The following VTI1A variants were observed in gnomAD, a reference collection of about 807,000 sequenced individuals.
VTI1A encodes the protein vesicle transport through interaction with t-SNAREs homolog 1A.
Under a neutral mutation model 34.9 loss-of-function variants are expected in VTI1A, and 22 were observed. The observed-to-expected ratio is 0.63, with a 90% confidence interval of 0.45 to 0.90. VTI1A has a LOEUF of 0.90. VTI1A is among the 40% of genes least tolerant of loss of function. The pLI, the probability that VTI1A is intolerant of heterozygous loss-of-function variation, is 0.00. For synonymous variants in VTI1A, 87 were observed against 97.3 expected (o/e 0.89, Z 0.62); for missense variants, 268 against 275.6 (o/e 0.97, Z 0.20).
At chr10:112,472,974 T>TA (rs1308927034) in intron 3 of VTI1A, among the ~76,000 whole-genome samples, 4 of 98,338 alleles carry the variant, frequency 4.1e-5, no homozygotes, top group Admixed American at 1.9e-4. Context: ...TGAAGAAGAG[T>TA]AAAAAAGAAA....
chr10:112,771,384 A>G (rs950974352), intron 7 of VTI1A, among the ~76,000 whole-genome samples: 2 of 152,224 alleles, frequency 1.3e-5, no homozygotes, highest in Non-Finnish European at 2.9e-5. Flanking sequence ...AAGCACTTCT[A>G]AAGTGAGCAG....
At chr10:112,589,018 C>CTTT (rs3057340) in intron 5 of VTI1A, among the ~76,000 whole-genome samples, 9 of 129,240 alleles carry the variant, frequency 7.0e-5, no homozygotes, top group East Asian at 2.3e-4. Flanking sequence ...GACTCCTTGT[C>CTTT]TTTTTTTTTT....
chr10:112,772,020 G>A (rs1210152729), intron 7 of VTI1A, among the ~76,000 whole-genome samples: 1 of 152,130 alleles, frequency 6.6e-6, no homozygotes, highest in African/African-American at 2.4e-5. Flanking sequence ...GTGAACATTC[G>A]TGTACAAGTT....
chr10:112,557,559 G>T (rs749111566), intron 5 of VTI1A, among the ~76,000 whole-genome samples: 7 of 152,110 alleles, frequency 4.6e-5, no homozygotes, highest in Non-Finnish European at 7.4e-5. Context: ...TTTTATGCAG[G>T]TGATTATAAT....
intron 7 of VTI1A, among the ~76,000 whole-genome samples, chr10:112,787,836 G>A (rs1393421546): frequency 1.3e-5 from 2 of 150,124 alleles, no homozygotes; most frequent in Non-Finnish European, 3.0e-5. Flanking sequence ...CAAGTAGCTG[G>A]GATTACAGTC....
intron 1 of VTI1A, among the ~76,000 whole-genome samples, chr10:112,457,491 C>T (rs1338615009): frequency 1.3e-5 from 2 of 152,040 alleles, no homozygotes; most frequent in African/African-American, 4.8e-5. Context: ...ATTTTATGTA[C>T]AAGGGGGTGA....
chr10:112,521,657 T>C (rs1014812042), intron 3 of VTI1A, among the ~76,000 whole-genome samples: 3 of 152,200 alleles, frequency 2.0e-5, no homozygotes, highest in Non-Finnish European at 4.4e-5. Context: ...GTTCTTTTCA[T>C]TTAGTACCCT....
chr10:112,532,695 A>G (rs1291413302), intron 4 of VTI1A, among the ~76,000 whole-genome samples: 1 of 152,178 alleles, frequency 6.6e-6, no homozygotes, highest in Non-Finnish European at 1.5e-5. Context: ...AGAAGTAAGG[A>G]GTGATTTTTT....
chr10:112,724,806 AAAAC>A (rs2133946634), intron 7 of VTI1A, among the ~76,000 whole-genome samples: 1 of 152,018 alleles, frequency 6.6e-6, no homozygotes, highest in South Asian at 2.1e-4. Flanking sequence ...AAAAGAAAAA[AAAAC>A]AAAAACCTTT....
At chr10:112,578,710 G>A (rs532624175) in intron 5 of VTI1A, among the ~76,000 whole-genome samples, 3 of 152,186 alleles carry the variant, frequency 2.0e-5, no homozygotes, top group East Asian at 1.9e-4. Context: ...TTTTGAAAGC[G>A]TAGCCCCATT....
Position 112,815,369 on chromosome 10 carries a change from G to T in VTI1A, c.640G>T (p.Val214Phe). ...ITILMAITFS[V>F]RRH ...CATCCTGATGGCGATCACTTTTTCT[G>T]TCAGAAGACACTGATGTATCTGCTC... The change falls in exon 8 of 8, where the codon GTC becomes TTC. Residue 214 changes from valine to phenylalanine, a missense_variant. Transcript: ENST00000393077. 1 of 1,613,814 alleles carries T rather than the reference G, an allele frequency of 6.2e-7. No individual in the cohort carries two copies. The highest frequency in any genetic ancestry group is 1.1e-5 in the South Asian group (1 of 91,060).
At chr10:112,657,636 G>C (rs1847280322) in intron 5 of VTI1A, among the ~76,000 whole-genome samples, 1 of 151,998 alleles carries the variant, frequency 6.6e-6, no homozygotes, top group Admixed American at 6.6e-5. Context: ...CCAAGTCTAA[G>C]AACTAAAACT....
At chr10:112,741,379 C>T (rs1372497150) in intron 7 of VTI1A, among the ~76,000 whole-genome samples, 7 of 152,246 alleles carry the variant, frequency 4.6e-5, no homozygotes, top group African/African-American at 1.7e-4. Context: ...CACTTGAGCC[C>T]AGGAGGCAGA....
chr10:112,822,184 T>C (rs1853666225), downstream of VTI1A, among the ~76,000 whole-genome samples: 1 of 152,028 alleles, frequency 6.6e-6, no homozygotes, highest in African/African-American at 2.4e-5. Context: ...CTTGGTTCCC[T>C]AGGACCAGCT....
At chr10:112,646,528 T>C (rs1230365097) in intron 5 of VTI1A, among the ~76,000 whole-genome samples, 1 of 151,244 alleles carries the variant, frequency 6.6e-6, no homozygotes, top group Non-Finnish European at 1.5e-5. Flanking sequence ...CCATGTTCTT[T>C]TTTTTTTTTT....
intron 7 of VTI1A, among the ~76,000 whole-genome samples, chr10:112,706,449 A>G (rs1325510023): frequency 6.6e-6 from 1 of 152,202 alleles, no homozygotes; most frequent in African/African-American, 2.4e-5. Flanking sequence ...TGCCTATGCC[A>G]TTACTGCCTG....
intron 5 of VTI1A, among the ~76,000 whole-genome samples, chr10:112,613,347 G>A (rs1254980595): frequency 6.6e-6 from 1 of 152,066 alleles, no homozygotes; most frequent in Non-Finnish European, 1.5e-5. Context: ...TATCCTATTG[G>A]AAGAATATGT....
At chr10:112,673,001 A>G (rs1055273562) in intron 7 of VTI1A, among the ~76,000 whole-genome samples, 2 of 152,090 alleles carry the variant, frequency 1.3e-5, no homozygotes, top group Non-Finnish European at 2.9e-5. Flanking sequence ...TGCATTGTAT[A>G]TGCTGGCAAA....
chr10:112,603,591 A>T (rs1844960792), intron 5 of VTI1A, among the ~76,000 whole-genome samples: 1 of 152,136 alleles, frequency 6.6e-6, no homozygotes, highest in African/African-American at 2.4e-5. Context: ...TTTTACTTCA[A>T]ACTGAGTGCT....
Sources: gnomAD v4.1 joint callset for allele counts (sites outside exome capture counted in the v4.1 genomes callset) on GRCh38, gnomAD v4.1.1 for gene constraint, MANE v1.5 for transcripts, NCBI Gene and HGNC (gene_info 2026-07-23, HGNC 2026-07-21) for gene names.